BEND4: variants seen among roughly 807,000 people sequenced by gnomAD.
The protein encoded by BEND4 is BEN domain-containing protein 4.
A neutral mutation model predicts 54.7 loss-of-function variants in BEND4; 27 were observed. The observed-to-expected ratio is 0.49, with a 90% confidence interval of 0.36 to 0.68. The LOEUF (loss-of-function observed/expected upper bound fraction) is 0.68. Among genes scored for constraint, BEND4 ranks in the 30% least tolerant of loss-of-function variants. The probability of loss-of-function intolerance (pLI) is 0.00; values close to 1 mark genes in which losing one functional copy is unlikely to be tolerated. For synonymous variants in BEND4, 327 were observed against 299.5 expected (o/e 1.09, Z -0.95); for missense variants, 702 against 697.2 (o/e 1.01, Z -0.08).
At chr4:42,144,036 G>A (rs767618173) in intron 2 of BEND4, 42 bp from the exon 3 acceptor site, 16 of 1,426,650 alleles carry the variant, frequency 1.1e-5, no homozygotes, top group Admixed American at 7.6e-5. Flanking sequence ...AACAGCCAAC[G>A]GCAAAAGATA....
At chr4:42,141,344 TAATA>T (rs1357632476) in intron 3 of BEND4, among the ~76,000 whole-genome samples, 3 of 152,214 alleles carry the variant, frequency 2.0e-5, no homozygotes, top group African/African-American at 7.2e-5. Flanking sequence ...CTTGGTCTAC[TAATA>T]AACAAGTGGG....
chr4:42,118,172 G>A (rs115678494), intron 5 of BEND4, among the ~76,000 whole-genome samples: 3,874 of 152,222 alleles, frequency 0.025, 78 homozygotes, highest in Non-Finnish European at 0.038. Context: ...TTTGAAGATA[G>A]AGTACAATAA....
At chr4:42,139,813 A>G (rs1327558838) in intron 3 of BEND4, among the ~76,000 whole-genome samples, 3 of 152,212 alleles carry the variant, frequency 2.0e-5, no homozygotes, top group Non-Finnish European at 4.4e-5. Context: ...AGAAAGCCCC[A>G]GGTCCTTCCA....
At chr4:42,125,292 G>A (rs1024765246) in intron 4 of BEND4, among the ~76,000 whole-genome samples, 5 of 152,190 alleles carry the variant, frequency 3.3e-5, no homozygotes, top group Admixed American at 1.3e-4. Flanking sequence ...TGACAAGTTG[G>A]TGTCTCTCAT....
chr4:42,133,897 T>C (rs1220630349), intron 3 of BEND4, among the ~76,000 whole-genome samples: 2 of 152,184 alleles, frequency 1.3e-5, no homozygotes, highest in Non-Finnish European at 2.9e-5. Flanking sequence ...ACCTACTGTA[T>C]ACAGTTATTG....
chr4:42,117,261 T>G lies in BEND4; in HGVS notation c.*257A>C, dbSNP rs1719874702. 3.0e-6 allele frequency: 1 copy of G among 334,792 alleles called. No homozygotes were observed. The highest frequency in any genetic ancestry group is 2.2e-5 in the African/African-American group (1 of 46,488). The allele number at this position is 334,792 out of a possible 1,614,324, so 20.7% of individuals were successfully genotyped here. A position where few individuals can be genotyped will look rare whatever the true frequency, so the allele number is the denominator to read the frequency against. ...TAGGAGCTCACCTATTTTTTCACCCTCATGATCTAGCTAGTAATCATTTAA... is the reference window on the plus strand; with the variant it reads ...TAGGAGCTCACCTATTTTTTCACCCGCATGATCTAGCTAGTAATCATTTAA... On this transcript the variant is annotated 3_prime_UTR_variant, in exon 6 of 6. Coordinates refer to ENST00000502486, the MANE Select transcript of BEND4 (RefSeq NM_207406.4).
chr4:42,117,489 C>A lies in BEND4; in HGVS notation c.*29G>T. 1 of 1,512,870 alleles carries A rather than the reference C, an allele frequency of 6.6e-7. No individual in the cohort carries two copies. Among genetic ancestry groups the A allele is most frequent in the Non-Finnish European group, 9.1e-7 (1 of 1,100,322 alleles). The allele number at this position is 1,512,870 out of a possible 1,614,324, so 93.7% of individuals were successfully genotyped here. A position where few individuals can be genotyped will look rare whatever the true frequency, so the allele number is the denominator to read the frequency against. ...TCACAATTGGAACTCTTGAGAGGAC[C>A]AGCTGCTACAACAGGAAGATTCTGT... On this transcript the variant is annotated 3_prime_UTR_variant, in exon 6 of 6. Transcript: ENST00000502486.
chr4:42,122,789 T>C (rs1345443691), intron 4 of BEND4, among the ~76,000 whole-genome samples: 5 of 152,228 alleles, frequency 3.3e-5, no homozygotes, highest in Non-Finnish European at 7.3e-5. Flanking sequence ...TGAGCTTACC[T>C]GGTAAGCCAG....
chr4:42,141,024 AATCC>A lies in BEND4; in HGVS notation c.1054+2400_1054+2403del, dbSNP rs541583060. On this transcript the variant is annotated intron_variant, in intron 3 of 5. Coordinates refer to ENST00000502486, the MANE Select transcript of BEND4 (RefSeq NM_207406.4). ...GGTTACACAGCTGTGAGACTTGTAA[AATCC>A]CACAGTGTGCTAGCTGCAACCATGT... 4.7e-3 allele frequency among the ~76,000 whole-genome samples: 723 copies of A among 152,328 alleles called. 2 individuals are homozygous for A. The highest frequency in any genetic ancestry group is 8.0e-3 in the Non-Finnish European group (541 of 68,034).
chr4:42,148,836 TCTA>T (rs1484557369), intron 2 of BEND4, among the ~76,000 whole-genome samples: 2 of 152,226 alleles, frequency 1.3e-5, no homozygotes, highest in Non-Finnish European at 2.9e-5. Context: ...CATATCAAGA[TCTA>T]CGTGGGTTTT....
chr4:42,119,023 G>T (rs542247224), intron 5 of BEND4, among the ~76,000 whole-genome samples: 23 of 152,248 alleles, frequency 1.5e-4, no homozygotes, highest in African/African-American at 5.3e-4. Context: ...TAGGAACCAC[G>T]CATGCCTGCC....
At chr4:42,144,168 G>A in intron 2 of BEND4, 174 bp from the exon 3 acceptor site, 1 of 647,868 alleles carries the variant, frequency 1.5e-6, no homozygotes, top group East Asian at 2.8e-5. Flanking sequence ...GCTTCCTGTT[G>A]TTCTGCGACT....
rs1721307025 is a variant in BEND4 at position 42,151,901 on chromosome 4, C to G, written c.243G>C (p.Gln81His). 1 of 1,260,146 alleles carries G rather than the reference C, an allele frequency of 7.9e-7. No homozygotes were observed. The highest frequency in any genetic ancestry group is 1.6e-5 in the African/African-American group (1 of 63,948). The allele number at this position is 1,260,146 out of a possible 1,614,324, so 78.1% of individuals were successfully genotyped here. Residue 81 changes from glutamine to histidine, a missense_variant, in exon 2 of 6, where the codon CAG becomes CAC. Gln to His is a conservative substitution (Grantham distance 24, BLOSUM62 0). Coordinates refer to ENST00000502486, the MANE Select transcript of BEND4 (RefSeq NM_207406.4). ...SSSEPPPQQF[Q>H]AQSSYPPGPG... ...GCCCGGGGGGGTAGGAGCTCTGCGC[C>G]TGGAACTGCTGCGGCGGCGGCTCGC...
rs75232105 is a variant in BEND4 at position 42,140,450 on chromosome 4, C to T, written c.1054+2978G>A. Among the ~76,000 whole-genome samples, 1,024 of 152,248 alleles carry T rather than the reference C, an allele frequency of 6.7e-3. 20 individuals are homozygous for T. The highest frequency in any genetic ancestry group is 0.023 in the African/African-American group (969 of 41,546). On this transcript the variant is annotated intron_variant, in intron 3 of 5. Transcript: ENST00000502486. Reference sequence around the variant, plus strand: ...TGTGAAATGGTTGCTGGTTCAAGTTCGGGGACGGGATTGTCAACAGGGTTG... The same window carrying T: ...TGTGAAATGGTTGCTGGTTCAAGTTTGGGGACGGGATTGTCAACAGGGTTG...
At chr4:42,134,969 C>T (rs1291530977) in intron 3 of BEND4, among the ~76,000 whole-genome samples, 1 of 152,126 alleles carries the variant, frequency 6.6e-6, no homozygotes, top group African/African-American at 2.4e-5. Context: ...AATTGAAGAA[C>T]CTTGTGTGTC....
In BEND4 at chr4:42,152,056, A is replaced by G. The variant is rs2153148541; in HGVS notation, c.88T>C (p.Phe30Leu). 2 of 1,250,544 alleles carry G rather than the reference A, an allele frequency of 1.6e-6. No individual in the cohort carries two copies. Among genetic ancestry groups the G allele is most frequent in the Non-Finnish European group, 1.0e-6 (1 of 990,250 alleles). 77.5% of individuals were successfully genotyped at this position (1,250,544 alleles called of 1,614,324 possible). The part of the protein sequence containing the change: ...QRSPYSVLKT[F>L]PSKRPALAKR... The stretch of plus-strand genomic sequence containing the variant: ...GCCAGCGCCGGTCTCTTGCTGGGGA[A>G]CGTCTTGAGGACGCTGTAGGGGCTG... Residue 30 changes from phenylalanine to leucine, a missense_variant, in exon 2 of 6, where the codon TTC becomes CTC. Physicochemically the swap from Phe to Leu is conservative, Grantham distance 22. Transcript: ENST00000502486.
intron 3 of BEND4, among the ~76,000 whole-genome samples, chr4:42,140,654 ATGGGTTCGG>A (rs1720849152): frequency 1.3e-5 from 2 of 152,210 alleles, no homozygotes; most frequent in Admixed American, 6.5e-5. Context: ...CTGACCTGCT[ATGGGTTCGG>A]TAAGTGAGAG....
At chr4:42,126,594 A>T (rs1279818091) in intron 3 of BEND4, among the ~76,000 whole-genome samples, 1 of 152,266 alleles carries the variant, frequency 6.6e-6, no homozygotes, top group Non-Finnish European at 1.5e-5. Flanking sequence ...TCACAATAAA[A>T]GTGAATAGAT....
chr4:42,121,793 C>T (rs1450774355), intron 4 of BEND4, among the ~76,000 whole-genome samples: 1 of 152,162 alleles, frequency 6.6e-6, no homozygotes, highest in Admixed American at 6.5e-5. Context: ...AGCTGTCGAA[C>T]TGAGAGGGCT....
Sources: gnomAD v4.1 joint callset for allele counts (sites outside exome capture counted in the v4.1 genomes callset) on GRCh38, gnomAD v4.1.1 for gene constraint, MANE v1.5 for transcripts, NCBI Gene and HGNC (gene_info 2026-07-23, HGNC 2026-07-21) for gene names.